The following ILDR2 variants were observed in gnomAD, a reference collection of about 807,000 sequenced individuals.
The protein encoded by ILDR2 is immunoglobulin-like domain-containing receptor 2.
ILDR2 carries 25 observed loss-of-function variants against 66.8 expected under a neutral mutation model. The observed-to-expected ratio is 0.37, with a 90% CI of 0.27 to 0.52. The LOEUF is 0.52. Among genes scored for constraint, ILDR2 ranks in the 20% least tolerant of loss-of-function variants. The pLI is 0.88. For missense variants in ILDR2, 827 were observed against 876.8 expected, an observed-to-expected ratio of 0.94 and a Z score of 0.72; for synonymous variants, 367 against 357.2, an observed-to-expected ratio of 1.03 and a Z score of -0.31.
intron 1 of ILDR2, among the ~76,000 whole-genome samples, chr1:166,973,254 C>G (rs1663406888): frequency 6.6e-6 from 1 of 152,110 alleles, no homozygotes; most frequent in Non-Finnish European, 1.5e-5. Context: ...GCCATCACCT[C>G]CCTCAAAACA....
chr1:166,938,675 A>G (rs1025914641), intron 4 of ILDR2, among the ~76,000 whole-genome samples: 12 of 152,218 alleles, frequency 7.9e-5, no homozygotes, highest in Non-Finnish European at 1.3e-4. Flanking sequence ...GGATTAAGCT[A>G]AAAACCAATA....
intron 3 of ILDR2, among the ~76,000 whole-genome samples, chr1:166,947,064 G>A (rs1003762512): frequency 6.6e-6 from 1 of 152,156 alleles, no homozygotes; most frequent in African/African-American, 2.4e-5. Context: ...ACTTCACAAA[G>A]TGCTATAGTG....
In ILDR2 at chr1:166,927,062, C is replaced by T. The variant is rs1381832968; in HGVS notation, c.994+5G>A. The T allele has an allele frequency of 6.3e-7, 1 of 1,583,774 alleles. No individual in the cohort carries two copies. The highest frequency in any genetic ancestry group is 8.7e-7 in the Non-Finnish European group (1 of 1,154,914). On this transcript the variant is annotated splice_donor_5th_base_variant and intron_variant, in intron 7 of 9. Transcript: ENST00000271417. ...ACAGATCACAGAAAACTAACAGATG[C>T]TCACATCTGCCTCTCATCCTTCTGG...
chr1:166,923,492 C>T (rs1322016914), intron 7 of ILDR2, among the ~76,000 whole-genome samples: 2 of 152,230 alleles, frequency 1.3e-5, no homozygotes, highest in Non-Finnish European at 2.9e-5. Context: ...ACTTCCAGCA[C>T]TTGGGCAGAC....
chr1:166,927,117 A>G lies in ILDR2; in HGVS notation c.944T>C (p.Val315Ala). ...ATCAAACTGAGCCAGCTCCTTCTCA[A>G]CATAGTACAGGACCTTCATGGAGTC... ...ERDSMKVLYY[V>A]EKELAQFDPA... Residue 315 changes from valine (V) to alanine (A), a missense_variant, in exon 7 of 10, where the codon GTT becomes GCT. Val to Ala is a moderately conservative substitution (Grantham distance 64). This residue lies in a region of ILDR2 where 437 missense variants were observed against 523.2 expected (regional missense o/e 0.84). Transcript: ENST00000271417. 6.2e-7 allele frequency: 1 copy of G among 1,613,654 alleles called. No individual in the cohort carries two copies. The highest frequency in any genetic ancestry group is 8.5e-7 in the Non-Finnish European group (1 of 1,179,806).
At position 166,935,354 on chromosome 1, in the gene ILDR2, T is replaced by C. The variant is rs779763671; in HGVS notation, c.827A>G (p.Lys276Arg). 1 of 1,613,996 alleles carries C rather than the reference T, an allele frequency of 6.2e-7. No individual in the cohort carries two copies. The highest frequency in any genetic ancestry group is 1.7e-5 in the Admixed American group (1 of 60,016). The change falls in exon 6 of 10, where the codon AAG becomes AGG. Residue 276 changes from lysine to arginine, a missense_variant. Lys to Arg is a conservative substitution (Grantham distance 26, BLOSUM62 2). This residue lies in a region of ILDR2 where 437 missense variants were observed against 523.2 expected (regional missense o/e 0.84). Coordinates refer to ENST00000271417, the MANE Select transcript of ILDR2 (RefSeq NM_199351.3). The part of the protein sequence containing the change: ...GAPSSGMLMD[K>R]PHPPPLAPSD... ...TGGTGCCAAGGGAGGTGGATGCGGC[T>C]TGTCCATCAGCATGCCAGATGAGGG...
chr1:166,964,147 A>T (rs1157796731), intron 1 of ILDR2, among the ~76,000 whole-genome samples: 7 of 151,266 alleles, frequency 4.6e-5, no homozygotes, highest in South Asian at 4.1e-4. Context: ...AATAAAAAAA[A>T]AAAAAAATTT....
chr1:166,944,479 C>T (rs887448065), intron 3 of ILDR2, among the ~76,000 whole-genome samples: 2 of 152,134 alleles, frequency 1.3e-5, no homozygotes, highest in South Asian at 4.1e-4. Flanking sequence ...TTTCATCAGC[C>T]CTCTTTGCAT....
intron 3 of ILDR2, among the ~76,000 whole-genome samples, chr1:166,950,043 T>A (rs1303185851): frequency 6.6e-6 from 1 of 152,240 alleles, no homozygotes; most frequent in East Asian, 1.9e-4. Context: ...TACTGACGCA[T>A]AATCTGAAGC....
intron 6 of ILDR2, among the ~76,000 whole-genome samples, chr1:166,929,816 G>A (rs773487795): frequency 5.9e-5 from 9 of 152,268 alleles, no homozygotes; most frequent in East Asian, 1.9e-4. Flanking sequence ...CCATATGGGC[G>A]GTTTATTGGA....
chr1:166,968,990 C>G (rs557726739), intron 1 of ILDR2, among the ~76,000 whole-genome samples: 4 of 152,302 alleles, frequency 2.6e-5, no homozygotes, highest in African/African-American at 9.6e-5. Context: ...ACAAATACAT[C>G]TAGTTTGGGT....
At chr1:166,966,755 G>C (rs929322142) in intron 1 of ILDR2, among the ~76,000 whole-genome samples, 2 of 152,204 alleles carry the variant, frequency 1.3e-5, no homozygotes, top group African/African-American at 2.4e-5. Context: ...TGCTAAAAGA[G>C]GTCAGTCTTT....
intron 1 of ILDR2, among the ~76,000 whole-genome samples, chr1:166,972,416 G>C (rs1224957836): frequency 6.6e-6 from 1 of 152,108 alleles, no homozygotes; most frequent in Non-Finnish European, 1.5e-5. Context: ...AAGACAGAGT[G>C]AACCCTCCTT....
At chr1:166,970,667 G>A (rs891433161) in intron 1 of ILDR2, among the ~76,000 whole-genome samples, 4 of 152,156 alleles carry the variant, frequency 2.6e-5, no homozygotes, top group African/African-American at 4.8e-5. Flanking sequence ...ACCGTAGTGC[G>A]AGTAGTGCAA....
intron 3 of ILDR2, among the ~76,000 whole-genome samples, chr1:166,950,847 G>T (rs1000115204): frequency 6.6e-6 from 1 of 151,978 alleles, no homozygotes; most frequent in African/African-American, 2.4e-5. Flanking sequence ...AAATAGGAGC[G>T]TGACAGGAAA....
chr1:166,974,666 G>T (rs899307130), intron 1 of ILDR2, among the ~76,000 whole-genome samples: 36 of 152,220 alleles, frequency 2.4e-4, no homozygotes, highest in Non-Finnish European at 2.8e-4. Flanking sequence ...ACCAGTGAAG[G>T]TTCCATCCCC....
rs1282405971 is a variant in ILDR2, at chr1:166,908,649, AG to A, written c.*10705del. On this transcript the variant is annotated 3_prime_UTR_variant, in exon 10 of 10. Coordinates refer to ENST00000271417, the MANE Select transcript of ILDR2 (RefSeq NM_199351.3). Reference sequence around the variant, plus strand: ...GGTGAATAATTAGGAGACAACAGGAAGTAGGAGACAAGAAATGAGGGTACCA... The same window carrying A: ...GGTGAATAATTAGGAGACAACAGGAATAGGAGACAAGAAATGAGGGTACCA... 4 of 152,304 alleles carry A rather than the reference AG, an allele frequency of 2.6e-5. No individual in the cohort carries two copies. The highest frequency in any genetic ancestry group is 7.2e-5 in the African/African-American group (3 of 41,474). The allele number at this position is 152,304 out of a possible 1,614,324, so 9.4% of individuals were successfully genotyped here.
At chr1:166,907,951 A>C (rs913454746), downstream of ILDR2, 2 of 152,238 alleles carry the variant, frequency 1.3e-5, no homozygotes, top group African/African-American at 2.4e-5. Flanking sequence ...ACATGAGAGA[A>C]GGAAGCACAG....
intron 6 of ILDR2, among the ~76,000 whole-genome samples, chr1:166,932,816 A>C (rs1253628655): frequency 6.6e-6 from 1 of 152,236 alleles, no homozygotes; most frequent in Non-Finnish European, 1.5e-5. Flanking sequence ...TGAAATAATT[A>C]CCCTAAAATT....
Sources: gnomAD v4.1 joint callset for allele counts (sites outside exome capture counted in the v4.1 genomes callset) on GRCh38, gnomAD v4.1.1 for gene constraint, gnomAD v4.1.1 regional missense constraint, MANE v1.5 for transcripts, NCBI Gene and HGNC (gene_info 2026-07-23, HGNC 2026-07-21) for gene names.